Variants in TUT4 observed in about 807,000 individuals in gnomAD.
The protein encoded by TUT4 is terminal uridylyl transferase 4.
In TUT4, 36 loss-of-function variants were observed where a neutral mutation model predicts 192.2. That is an observed-to-expected ratio of 0.19 (90% CI 0.14 to 0.25). The LOEUF (loss-of-function observed/expected upper bound fraction) is 0.25. Among genes scored for constraint, TUT4 ranks in the 10% least tolerant of loss-of-function variants. TUT4 has a pLI of 1.00. For synonymous variants in TUT4, 618 were observed against 666.0 expected (o/e 0.93, Z 1.11); for missense variants, 1,493 against 1,957.2 (o/e 0.76, Z 4.47).
At chr1:52,510,365 C>A (rs1381672156) in intron 3 of TUT4, among the ~76,000 whole-genome samples, 1 of 145,826 alleles carries the variant, frequency 6.9e-6, no homozygotes, top group African/African-American at 2.5e-5. Flanking sequence ...GCTATTTAGT[C>A]TTATTCCAAT....
At chr1:52,446,778 T>C in intron 20 of TUT4, 111 bp from the exon 21 acceptor site, 1 of 698,248 alleles carries the variant, frequency 1.4e-6, no homozygotes, top group Non-Finnish European at 2.3e-6. Flanking sequence ...AAATACTTCT[T>C]CCAAAAAGAA....
intron 1 of TUT4, among the ~76,000 whole-genome samples, chr1:52,533,006 A>T (rs1683911426): frequency 6.6e-6 from 1 of 152,164 alleles, no homozygotes; most frequent in Non-Finnish European, 1.5e-5. Context: ...GTGAGTCCCA[A>T]ACTTTTGTGT....
chr1:52,463,549 C>T (rs184069888), intron 16 of TUT4: 8 of 1,191,698 alleles, frequency 6.7e-6, no homozygotes, highest in Admixed American at 3.5e-5. Flanking sequence ...GTAACAGAGG[C>T]GATACTGACA....
intron 1 of TUT4, among the ~76,000 whole-genome samples, chr1:52,540,438 C>T (rs779440491): frequency 1.3e-5 from 2 of 150,416 alleles, no homozygotes; most frequent in Non-Finnish European, 2.9e-5. Context: ...TCACTTGAAC[C>T]GGGGAGGTAG....
At chr1:52,541,561 C>T (rs1356653066) in intron 1 of TUT4, among the ~76,000 whole-genome samples, 1 of 151,116 alleles carries the variant, frequency 6.6e-6, no homozygotes, top group Non-Finnish European at 1.5e-5. Flanking sequence ...ACTCCTACAT[C>T]ATATCACATT....
intron 20 of TUT4, 129 bp downstream of exon 20, chr1:52,458,207 T>C (rs146376021): frequency 3.2e-4 from 187 of 592,204 alleles, no homozygotes; most frequent in Middle Eastern, 2.6e-3. Context: ...ATAGCATTAA[T>C]GGAAAGAGAA....
chr1:52,467,135 A>C (rs985244433), intron 15 of TUT4, among the ~76,000 whole-genome samples: 2 of 152,130 alleles, frequency 1.3e-5, no homozygotes, highest in Non-Finnish European at 2.9e-5. Context: ...ACAGAGTGAG[A>C]ACCTGTCTCT....
intron 29 of TUT4, chr1:52,425,078 A>G: frequency 3.4e-6 from 1 of 293,536 alleles, no homozygotes; most frequent in Non-Finnish European, 6.3e-6. Flanking sequence ...TCTTAAATCC[A>G]CATCCTGTTT....
At chr1:52,530,112 G>A (rs1036737279) in intron 1 of TUT4, among the ~76,000 whole-genome samples, 5 of 151,988 alleles carry the variant, frequency 3.3e-5, no homozygotes, top group African/African-American at 1.2e-4. Flanking sequence ...CAAACTGCTA[G>A]GACTACAGGC....
At chr1:52,476,308 G>C (rs1667064094) in intron 12 of TUT4, among the ~76,000 whole-genome samples, 1 of 151,900 alleles carries the variant, frequency 6.6e-6, no homozygotes, top group South Asian at 2.1e-4. Context: ...AAAAAAGCAA[G>C]AAACCTAAAA....
chr1:52,500,550 G>T (rs1673804674), intron 4 of TUT4, among the ~76,000 whole-genome samples: 1 of 152,136 alleles, frequency 6.6e-6, no homozygotes, highest in Non-Finnish European at 1.5e-5. Context: ...ATCACCTGAG[G>T]TCAGGAATTC....
chr1:52,487,708 G>C (rs1670158611), intron 9 of TUT4, among the ~76,000 whole-genome samples: 1 of 152,058 alleles, frequency 6.6e-6, no homozygotes, highest in Non-Finnish European at 1.5e-5. Context: ...TTCAAGGCCA[G>C]CATGGGCAAC....
chr1:52,492,345 T>TA (rs1671373883), intron 7 of TUT4, among the ~76,000 whole-genome samples: 3 of 151,816 alleles, frequency 2.0e-5, no homozygotes, highest in Non-Finnish European at 2.9e-5. Context: ...AGTATGGCTT[T>TA]AAAAAAAAGC....
In TUT4 at chr1:52,472,065, C is replaced by T. The variant is rs751041720; in HGVS notation, c.2765G>A (p.Gly922Asp). Residue 922 changes from glycine to aspartate, a missense_variant, in exon 14 of 30, where the codon GGC (glycine) becomes GAC (aspartate). Gly to Asp is a moderately conservative substitution (Grantham distance 94, BLOSUM62 -1). This residue lies in a region of TUT4 where 59 missense variants were observed against 114.3 expected (regional missense o/e 0.52). Coordinates refer to ENST00000257177, the MANE Select transcript of TUT4 (RefSeq NM_001009881.3). ...CTCTGGGCAATCATTCTTTGAATGG[C>T]CATCCTTTTTGCAGATGCTGCATAC... ...TIVCSICKKDGHSKNDCPEDF... is the reference protein window; with the variant it reads ...TIVCSICKKDDHSKNDCPEDF... 3 of 1,613,534 alleles carry T rather than the reference C, an allele frequency of 1.9e-6. No individual in the cohort carries two copies. The African/African-American group carries it at 4.0e-5, about 22-fold the overall frequency.
intron 1 of TUT4, among the ~76,000 whole-genome samples, chr1:52,540,573 C>G (rs1686327109): frequency 6.6e-6 from 1 of 151,952 alleles, no homozygotes; most frequent in East Asian, 1.9e-4. Flanking sequence ...GTCTAGCATG[C>G]CCATTCACTT....
At chr1:52,449,429 G>T (rs1403751745) in intron 20 of TUT4, among the ~76,000 whole-genome samples, 2 of 152,290 alleles carry the variant, frequency 1.3e-5, no homozygotes, top group East Asian at 1.9e-4. Context: ...CTCCCAAGTA[G>T]CTGGGATTAC....
intron 1 of TUT4, among the ~76,000 whole-genome samples, chr1:52,545,142 G>T (rs752112013): frequency 4.0e-5 from 6 of 151,626 alleles, no homozygotes; most frequent in African/African-American, 1.2e-4. Context: ...TTGGGAGGCC[G>T]AAGTGAGTGG....
At chr1:52,497,476 T>A (rs79283210) in intron 4 of TUT4, among the ~76,000 whole-genome samples, 6,192 of 152,278 alleles carry the variant, frequency 0.041, 425 homozygotes, top group African/African-American at 0.14. Context: ...GTACCTTAAG[T>A]ACAATACTAA....
intron 1 of TUT4, among the ~76,000 whole-genome samples, chr1:52,546,679 A>G (rs1288541758): frequency 2.6e-5 from 4 of 152,210 alleles, no homozygotes; most frequent in African/African-American, 9.7e-5. Context: ...CATTAAGATG[A>G]TATGTTGTGT....
Sources: gnomAD v4.1 joint callset for allele counts (sites outside exome capture counted in the v4.1 genomes callset) on GRCh38, gnomAD v4.1.1 for gene constraint, gnomAD v4.1.1 regional missense constraint, MANE v1.5 for transcripts, NCBI Gene and HGNC (gene_info 2026-07-23, HGNC 2026-07-21) for gene names.